The following SESN1 variants were observed in gnomAD, a reference collection of about 807,000 sequenced individuals.
SESN1 encodes the protein sestrin-1.
Under a neutral mutation model 59.3 loss-of-function variants are expected in SESN1, and 30 were observed. That is an observed-to-expected ratio of 0.51 (90% CI 0.38 to 0.69). SESN1 has a LOEUF of 0.69. Ranked by LOEUF, SESN1 falls within the 30% of genes least tolerant of loss-of-function variation. SESN1 has a pLI of 0.00. For synonymous variants in SESN1, 197 were observed against 219.9 expected (o/e 0.90, Z 0.92); for missense variants, 566 against 673.0 (o/e 0.84, Z 1.76).
At chr6:109,036,879 C>T (rs894359853) in intron 1 of SESN1, among the ~76,000 whole-genome samples, 2 of 152,114 alleles carry the variant, frequency 1.3e-5, no homozygotes, top group African/African-American at 2.4e-5. Context: ...ATAAAACAGT[C>T]GTAAATCTGA....
chr6:109,021,385 T>C (rs1181198423), intron 1 of SESN1, among the ~76,000 whole-genome samples: 1 of 152,142 alleles, frequency 6.6e-6, no homozygotes, highest in Non-Finnish European at 1.5e-5. Context: ...TTGTTTTCCA[T>C]ACAACCCTAG....
intron 4 of SESN1, chr6:108,999,871 T>A (rs1389378243): frequency 6.6e-6 from 1 of 152,150 alleles, no homozygotes; most frequent in Non-Finnish European, 1.5e-5. Context: ...TGCCCCAAAC[T>A]GGCAGTAACC....
chr6:109,088,608 C>T (rs913380290), intron 1 of SESN1, among the ~76,000 whole-genome samples: 1 of 152,142 alleles, frequency 6.6e-6, no homozygotes. Context: ...ATATTGATTG[C>T]TGGCAAACTT....
chr6:109,048,818 A>T (rs535336430), intron 1 of SESN1, among the ~76,000 whole-genome samples: 1 of 152,218 alleles, frequency 6.6e-6, no homozygotes, highest in East Asian at 1.9e-4. Context: ...AATTTATTCT[A>T]TGTGTTCCTG....
At chr6:109,030,665 G>A (rs1780169582) in intron 1 of SESN1, among the ~76,000 whole-genome samples, 1 of 152,140 alleles carries the variant, frequency 6.6e-6, no homozygotes, top group Non-Finnish European at 1.5e-5. Context: ...GTCTGGAAAG[G>A]AACCATAAAA....
At chr6:109,032,796 C>CT (rs1170042994) in intron 1 of SESN1, among the ~76,000 whole-genome samples, 2 of 152,058 alleles carry the variant, frequency 1.3e-5, no homozygotes, top group African/African-American at 4.8e-5. Flanking sequence ...CGATCAGGGT[C>CT]AGGGCTAAGA....
At chr6:109,063,472 T>A (rs927451573) in intron 1 of SESN1, among the ~76,000 whole-genome samples, 7 of 152,136 alleles carry the variant, frequency 4.6e-5, no homozygotes, top group African/African-American at 1.7e-4. Context: ...TGTGGAAATG[T>A]TCATGGAGAC....
At chr6:109,034,808 C>G (rs7747756) in intron 1 of SESN1, among the ~76,000 whole-genome samples, 11,600 of 152,220 alleles carry the variant, frequency 0.076, 1,015 homozygotes, top group African/African-American at 0.21. Context: ...GAAGCCACAT[C>G]TTGATGCTGT....
rs1779641543 is a variant in SESN1 at position 109,002,269 on chromosome 6, A to G, written c.345+9T>C. On this transcript the variant is annotated intron_variant, in intron 2 of 9. Coordinates refer to ENST00000436639, the MANE Select transcript of SESN1 (RefSeq NM_014454.3). ...TACAGTTCACTATGTACTTTCACAAACAACGTACCTCCTTTTCTGGGATGA... is the reference window on the plus strand; with the variant it reads ...TACAGTTCACTATGTACTTTCACAAGCAACGTACCTCCTTTTCTGGGATGA... 6.2e-7 allele frequency: 1 copy of G among 1,612,196 alleles called. No homozygotes were observed.
chr6:109,034,245 T>C (rs902595521), intron 1 of SESN1, among the ~76,000 whole-genome samples: 1 of 152,242 alleles, frequency 6.6e-6, no homozygotes, highest in South Asian at 2.1e-4. Flanking sequence ...TTGAATAATA[T>C]GTATTTGAGA....
At chr6:108,991,293 G>A (rs1779379229) in intron 7 of SESN1, among the ~76,000 whole-genome samples, 1 of 152,076 alleles carries the variant, frequency 6.6e-6, no homozygotes, top group Non-Finnish European at 1.5e-5. Context: ...CCAGGCTAGA[G>A]TACAATGGTA....
At chr6:109,050,734 A>G (rs1715488439) in intron 1 of SESN1, among the ~76,000 whole-genome samples, 1 of 152,224 alleles carries the variant, frequency 6.6e-6, no homozygotes, top group South Asian at 2.1e-4. Flanking sequence ...CAGGAAGACC[A>G]ACCTTCCAAG....
At chr6:109,005,732 G>A (rs1357114246) in intron 1 of SESN1, among the ~76,000 whole-genome samples, 2 of 152,092 alleles carry the variant, frequency 1.3e-5, no homozygotes, top group Non-Finnish European at 2.9e-5. Context: ...CCAAATTGAA[G>A]AGTCCTAATC....
At chr6:109,064,918 C>A (rs1319833825) in intron 1 of SESN1, among the ~76,000 whole-genome samples, 2 of 152,048 alleles carry the variant, frequency 1.3e-5, no homozygotes, top group Non-Finnish European at 2.9e-5. Context: ...ACTTTCTACA[C>A]CCTCTAGTTG....
At chr6:108,992,688 AGC>A in intron 7 of SESN1, 97 bp downstream of exon 7, 1 of 754,338 alleles carries the variant, frequency 1.3e-6, no homozygotes, top group Non-Finnish European at 2.4e-6. Flanking sequence ...CTGCCTGCAA[AGC>A]ACTTAGCATA....
At chr6:109,065,050 CTATT>C (rs1780799717) in intron 1 of SESN1, among the ~76,000 whole-genome samples, 1 of 152,084 alleles carries the variant, frequency 6.6e-6, no homozygotes, top group East Asian at 1.9e-4. Context: ...AGAAACTGTG[CTATT>C]TGAGTTGCAA....
At position 109,094,158 on chromosome 6, in the gene SESN1, AAAAAT is replaced by A. The variant is rs1028827468; in HGVS notation, c.-90_-86del. ...TTTGTATTTTTAAAATGAAAAATGT[AAAAAT>A]AAAATCAGAGAAATCAAATCGTCAT... On this transcript the variant is annotated 5_prime_UTR_variant, in exon 1 of 10. Transcript: ENST00000436639. 2.9e-6 allele frequency: 4 copies of A among 1,389,716 alleles called. No individual in the cohort carries two copies. The highest frequency in any genetic ancestry group is 2.9e-5 in the African/African-American group (2 of 69,290). 86.1% of individuals were successfully genotyped at this position (1,389,716 alleles called of 1,614,324 possible). A position where few individuals can be genotyped will look rare whatever the true frequency, so the allele number is the denominator to read the frequency against.
At chr6:109,064,710 T>TGAAGGAAG (rs1178073037) in intron 1 of SESN1, among the ~76,000 whole-genome samples, 1 of 43,880 alleles carries the variant, frequency 2.3e-5, no homozygotes, top group Admixed American at 3.8e-4. Flanking sequence ...GGGAGAGAGA[T>TGAAGGAAG]GAAGGAAGGA....
chr6:109,083,741 G>A (rs1781162437), intron 1 of SESN1, among the ~76,000 whole-genome samples: 1 of 152,172 alleles, frequency 6.6e-6, no homozygotes, highest in Admixed American at 6.5e-5. Context: ...ACTTTTGAAA[G>A]GCTTCTCTTA....
Sources: gnomAD v4.1 joint callset for allele counts (sites outside exome capture counted in the v4.1 genomes callset) on GRCh38, gnomAD v4.1.1 for gene constraint, MANE v1.5 for transcripts, NCBI Gene and HGNC (gene_info 2026-07-23, HGNC 2026-07-21) for gene names.